The following ZNF446 variants were observed in gnomAD, a reference collection of about 807,000 sequenced individuals.
ZNF446 encodes zinc finger protein 446, also known as zinc finger protein with KRAB and SCAN domains 20.
In ZNF446, 42 loss-of-function variants were observed where a neutral mutation model predicts 34.0. The observed-to-expected ratio is 1.23, with a 90% CI of 0.96 to 1.60. The LOEUF (loss-of-function observed/expected upper bound fraction) is 1.60. ZNF446 is among the 40% of genes most tolerant of loss of function. ZNF446 has a pLI of 0.00. For synonymous variants in ZNF446, 315 were observed against 251.0 expected, an observed-to-expected ratio of 1.25 and a Z score of -2.41; for missense variants, 650 against 600.2, an observed-to-expected ratio of 1.08 and a Z score of -0.87.
rs957649981 is a variant in ZNF446 at position 58,477,149 on chromosome 19, G to A, written c.-40-30G>A. ...GCCTTCCCCTGGCCAGATTCTCTTG[G>A]CTGACATTCCGACCCTTCCTTTTCT... On this transcript the variant is annotated intron_variant, in intron 1 of 6. Transcript: ENST00000594369. 1.2e-4 allele frequency: 160 copies of A among 1,387,220 alleles called. 4 individuals carry two copies. Among genetic ancestry groups the A allele is most frequent in the Non-Finnish European group, 1.2e-4 (119 of 1,029,520 alleles). The allele number at this position is 1,387,220 out of a possible 1,614,324, so 85.9% of individuals were successfully genotyped here. A position where few individuals can be genotyped will look rare whatever the true frequency, so the allele number is the denominator to read the frequency against.
Position 58,480,187 on chromosome 19 carries a change from G to A in ZNF446, c.814G>A (p.Glu272Lys), listed in dbSNP as rs779745661. Residue 272 changes from glutamate to lysine, a missense_variant, in exon 7 of 7, where the codon GAG becomes AAG. Transcript: ENST00000594369. This position sits in a 1 kb window ranked among gnomAD's most constrained non-coding sequence, Gnocchi z 7.2. ...GCCCCTGCCCCCAGGAAATGAGAGT[G>A]AGGGTCCACCTGGCTGCCCAGAGGC... ...CRSLRSGNES[E>K]GPPGCPEAQP... 10 of 1,593,942 alleles carry A rather than the reference G, an allele frequency of 6.3e-6. No individual in the cohort carries two copies. In the African/African-American group the frequency reaches 1.2e-4, roughly 19 times the overall value.
At chr19:58,477,131 C>T in intron 1 of ZNF446, 48 bp from the exon 2 acceptor site, 1 of 1,247,040 alleles carries the variant, frequency 8.0e-7, no homozygotes, top group East Asian at 2.3e-5. Context: ...TCTGCCTTCC[C>T]CTGGCCAGAT....
downstream of ZNF446, among the ~76,000 whole-genome samples, chr19:58,481,862 C>T (rs147999414): frequency 5.2e-3 from 797 of 152,272 alleles, 12 homozygotes; most frequent in African/African-American, 0.018. Context: ...GGCACAATCT[C>T]GGCTCACTGC....
At chr19:58,484,681 A>G (rs961733952), downstream of ZNF446, among the ~76,000 whole-genome samples, 3 of 152,012 alleles carry the variant, frequency 2.0e-5, no homozygotes, top group African/African-American at 7.2e-5. Flanking sequence ...TTTTTCGATA[A>G]AATTTTTTTT....
rs2053100810 is a variant in ZNF446, at chr19:58,477,687, A to G, written c.393A>G (p.Thr131=). Reference sequence around the variant, plus strand: ...AGGTGCTCCCTGCAGCCCAGAAGACAGAGGAACCACTTGGGAGCCCCCACC... The same window carrying G: ...AGGTGCTCCCTGCAGCCCAGAAGACGGAGGAACCACTTGGGAGCCCCCACC... ...KQEVLPAAQK[T]EEPLGSPHPS... is the part of the protein sequence containing the mutation. Residue 131 remains threonine (T), a synonymous_variant, in exon 3 of 7, where the codon ACA becomes ACG. Coordinates refer to ENST00000594369, the MANE Select transcript of ZNF446 (RefSeq NM_017908.4). 3 of 1,613,460 alleles carry G rather than the reference A, an allele frequency of 1.9e-6. No homozygotes were observed. In the African/African-American group the frequency reaches 4.0e-5, roughly 22 times the overall value.
Position 58,480,588 on chromosome 19 carries a change from C to T in ZNF446, c.1215C>T (p.Ser405=). The change falls in exon 7 of 7, where the codon AGC becomes AGT. Residue 405 remains serine (S), a synonymous_variant. Coordinates refer to ENST00000594369, the MANE Select transcript of ZNF446 (RefSeq NM_017908.4). The surrounding 1 kb of genome is among the most constrained non-coding windows in gnomAD (Gnocchi z 7.2). ...YPCEECGCSF[S]WKSQLVIHRK... Reference sequence around the variant, plus strand: ...GTGAGGAGTGCGGGTGCAGCTTCAGCTGGAAGTCGCAGCTGGTCATCCACC... The same window carrying T: ...GTGAGGAGTGCGGGTGCAGCTTCAGTTGGAAGTCGCAGCTGGTCATCCACC... The T allele has an allele frequency of 6.2e-7, 1 of 1,612,884 alleles. No homozygotes were observed. The highest frequency in any genetic ancestry group is 8.5e-7 in the Non-Finnish European group (1 of 1,179,976).
chr19:58,479,761 C>T, intron 5 of ZNF446, 34 bp downstream of exon 5: 1 of 1,592,740 alleles, frequency 6.3e-7, no homozygotes, highest in Non-Finnish European at 8.6e-7. Flanking sequence ...CGCCCCTCTC[C>T]CTGGGGCCTG....
chr19:58,484,533 T>C (rs554342182), downstream of ZNF446, among the ~76,000 whole-genome samples: 32 of 151,394 alleles, frequency 2.1e-4, no homozygotes, highest in African/African-American at 7.5e-4. Context: ...AAAATTGTTC[T>C]GTAGCTCATG....
chr19:58,487,823 C>A, the ZNF446 span, among the ~76,000 whole-genome samples: 2 of 152,144 alleles, frequency 1.3e-5, no homozygotes, highest in African/African-American at 4.8e-5. Flanking sequence ...AACAAATTAA[C>A]TACAAATAAA....
chr19:58,476,952 G>A (rs749355732), intron 1 of ZNF446, among the ~76,000 whole-genome samples: 25 of 152,230 alleles, frequency 1.6e-4, no homozygotes, highest in Admixed American at 9.2e-4. Flanking sequence ...GAAGCTCCCT[G>A]GACACCTTGC....
Position 58,480,108 on chromosome 19 carries a change from C to T in ZNF446, c.803-68C>T. 1 of 1,558,616 alleles carries T rather than the reference C, an allele frequency of 6.4e-7. No homozygotes were observed. The highest frequency in any genetic ancestry group is 1.8e-5 in the Admixed American group (1 of 55,814). The stretch of plus-strand genomic sequence containing the variant: ...ACTCATGGGGGGACGGGAGCTTGTG[C>T]CACGGCCACAAGCCTGAGGGAGGGG... On this transcript the variant is annotated intron_variant, in intron 6 of 6. Transcript: ENST00000594369. The surrounding 1 kb of genome is among the most constrained non-coding windows in gnomAD (Gnocchi z 7.2).
At position 58,479,653 on chromosome 19, in the gene ZNF446, G is replaced by C. The variant is rs1172574543; in HGVS notation, c.638G>C (p.Gly213Ala). The C allele has an allele frequency of 6.2e-7, 1 of 1,613,714 alleles. No individual in the cohort carries two copies. Among genetic ancestry groups the C allele is most frequent in the East Asian group, 2.2e-5 (1 of 44,878 alleles). Residue 213 changes from glycine (G) to alanine (A), a missense_variant, in exon 5 of 7, where the codon GGG becomes GCG. Coordinates refer to ENST00000594369, the MANE Select transcript of ZNF446 (RefSeq NM_017908.4). ...FHPPRIQEEWGLLDRSQKELY... is the reference protein window; with the variant it reads ...FHPPRIQEEWALLDRSQKELY... ...GGGCCACATCCGCAGGAGGAGTGGG[G>C]GCTGCTGGACCGGTCACAGAAGGAA...
chr19:58,487,601 G>A, the ZNF446 span, among the ~76,000 whole-genome samples: 4 of 152,054 alleles, frequency 2.6e-5, no homozygotes, highest in Admixed American at 6.6e-5. Context: ...TTGAGGTCAG[G>A]AGTTCAAGAC....
downstream of ZNF446, among the ~76,000 whole-genome samples, chr19:58,485,383 G>A (rs1272817316): frequency 2.0e-5 from 3 of 151,678 alleles, no homozygotes; most frequent in South Asian, 2.1e-4. Flanking sequence ...AGTGGCACAC[G>A]CCTGTAATCC....
chr19:58,481,621 G>A (rs2053140920), downstream of ZNF446, among the ~76,000 whole-genome samples: 1 of 152,212 alleles, frequency 6.6e-6, no homozygotes, highest in African/African-American at 2.4e-5. Context: ...AGCTCCCTGG[G>A]AAGCACCGGA....
the ZNF446 span, among the ~76,000 whole-genome samples, chr19:58,488,124 A>C: frequency 6.7e-6 from 1 of 149,598 alleles, no homozygotes; most frequent in African/African-American, 2.5e-5. Flanking sequence ...GCCCGTGACC[A>C]CACACCCTGT....
At chr19:58,481,938 C>T (rs1169078777), downstream of ZNF446, among the ~76,000 whole-genome samples, 1 of 152,174 alleles carries the variant, frequency 6.6e-6, no homozygotes, top group African/African-American at 2.4e-5. Context: ...GGACTACAGA[C>T]ACCCGCCACC....
chr19:58,489,150 C>T, the ZNF446 span, among the ~76,000 whole-genome samples: 1 of 152,190 alleles, frequency 6.6e-6, no homozygotes, highest in Non-Finnish European at 1.5e-5. Context: ...TCCTTCTTGC[C>T]TGGGGACCAG....
chr19:58,486,088 CTT>C (rs71190045), downstream of ZNF446, among the ~76,000 whole-genome samples: 47 of 83,316 alleles, frequency 5.6e-4, no homozygotes, highest in Middle Eastern at 8.1e-3. Flanking sequence ...AGCTAACTTT[CTT>C]TTTTTTTTTT....
Sources: gnomAD v4.1 joint callset for allele counts (sites outside exome capture counted in the v4.1 genomes callset) on GRCh38, gnomAD v4.1.1 for gene constraint, Gnocchi (gnomAD v3.1) non-coding constraint, MANE v1.5 for transcripts, NCBI Gene and HGNC (gene_info 2026-07-23, HGNC 2026-07-21) for gene names.